The following ESYT3 variants were observed in gnomAD, a reference collection of about 807,000 sequenced individuals.
The protein encoded by ESYT3 is extended synaptotagmin-3.
ESYT3 carries 101 observed loss-of-function variants against 111.5 expected under a neutral mutation model. The ratio of observed to expected loss-of-function variants is 0.91; its 90% CI spans 0.77 to 1.07. ESYT3 has a LOEUF of 1.07. Ranked by LOEUF, ESYT3 falls within the 50% of genes least tolerant of loss-of-function variation. The pLI is 0.00. For synonymous variants in ESYT3, 416 were observed against 446.8 expected (o/e 0.93, Z 0.87); for missense variants, 1,097 against 1,109.4 (o/e 0.99, Z 0.16).
chr3:138,473,399 G>GAAAGT (rs1454302206), intron 18 of ESYT3, 137 bp from the exon 19 acceptor site: 20 of 775,564 alleles, frequency 2.6e-5, no homozygotes, highest in Admixed American at 7.0e-5. Context: ...AATTCCATCT[G>GAAAGT]AAAGTAAACT....
intron 22 of ESYT3, 62 bp downstream of exon 22, chr3:138,476,554 A>T: frequency 6.5e-7 from 1 of 1,541,714 alleles, no homozygotes; most frequent in Non-Finnish European, 8.9e-7. Flanking sequence ...TTCCCTTTTC[A>T]GTACTGTTTC....
In ESYT3 at chr3:138,459,237, G is replaced by C; in HGVS notation, c.632G>C (p.Gly211Ala). Residue 211 changes from glycine to alanine, a missense_variant, in exon 5 of 23, where the codon GGT (glycine) becomes GCT (alanine). Gly to Ala is a moderately conservative substitution (Grantham distance 60). Transcript: ENST00000389567. The part of the protein sequence containing the change: ...ISVELQKIQA[G>A]VNGIQLQGTL... ...GTGGAGCTGCAGAAGATTCAGGCTGGTGTGAACGGGATCCAGGTGGGTGGA... is the reference window on the plus strand; with the variant it reads ...GTGGAGCTGCAGAAGATTCAGGCTGCTGTGAACGGGATCCAGGTGGGTGGA... 6.4e-7 allele frequency: 1 copy of C among 1,561,960 alleles called. No homozygotes were observed. The highest frequency in any genetic ancestry group is 1.2e-5 in the South Asian group (1 of 83,478).
At chr3:138,448,266 T>TAAAAAAAA (rs71146126) in intron 1 of ESYT3, among the ~76,000 whole-genome samples, 1 of 44,608 alleles carries the variant, frequency 2.2e-5, no homozygotes, top group African/African-American at 9.1e-5. Flanking sequence ...AAACTCGATC[T>TAAAAAAAA]AAAAAAAAAA....
rs1325491923 is a variant in ESYT3, at chr3:138,476,849, A to T, written c.2656A>T (p.Ser886Cys). The T allele has an allele frequency of 1.2e-6, 2 of 1,613,934 alleles. No individual in the cohort carries two copies. The highest frequency in any genetic ancestry group is 1.7e-6 in the Non-Finnish European group (2 of 1,179,808). The change falls in exon 23 of 23, where the codon AGC becomes TGC. Residue 886 changes from serine to cysteine, a missense_variant. By Grantham distance (112) the Ser-to-Cys change is moderately radical. Coordinates refer to ENST00000389567, the MANE Select transcript of ESYT3 (RefSeq NM_031913.5). ...YELTPNGQPR[S>C] ...GCTGACTCCAAATGGACAGCCCAGA[A>T]GCTGATGATGAGAATTCTTATCACT...
At chr3:138,460,165 C>G in intron 6 of ESYT3, 131 bp downstream of exon 6, 1 of 728,808 alleles carries the variant, frequency 1.4e-6, no homozygotes, top group East Asian at 2.7e-5. Flanking sequence ...CAGTCACACT[C>G]CTTATCTCAT....
At chr3:138,466,696 T>A (rs2032945808) in intron 10 of ESYT3, among the ~76,000 whole-genome samples, 1 of 152,166 alleles carries the variant, frequency 6.6e-6, no homozygotes, top group South Asian at 2.1e-4. Context: ...CACACACACA[T>A]GCTGTGTTAG....
intron 4 of ESYT3, 109 bp downstream of exon 4, chr3:138,457,753 C>A (rs551269308): frequency 8.6e-6 from 9 of 1,051,164 alleles, no homozygotes; most frequent in Admixed American, 1.9e-5. Flanking sequence ...GATGTGGAAC[C>A]CCTCACAGGA....
chr3:138,457,363 TA>T (rs1297197352), intron 3 of ESYT3, among the ~76,000 whole-genome samples: 1 of 151,764 alleles, frequency 6.6e-6, no homozygotes, highest in African/African-American at 2.4e-5. Flanking sequence ...GCTGTGTGAG[TA>T]GGGGCAGGAA....
At chr3:138,443,061 G>A (rs2031275351) in intron 1 of ESYT3, among the ~76,000 whole-genome samples, 2 of 152,128 alleles carry the variant, frequency 1.3e-5, no homozygotes, top group Admixed American at 6.5e-5. Flanking sequence ...ACAGCTCAGG[G>A]CCACCCCCCT....
At chr3:138,438,196 G>A (rs148138639) in intron 1 of ESYT3, among the ~76,000 whole-genome samples, 2 of 152,304 alleles carry the variant, frequency 1.3e-5, no homozygotes, top group East Asian at 3.9e-4. Flanking sequence ...CTGGAGAACT[G>A]ATTTCTCTGC....
chr3:138,466,679 C>T (rs1228803192), intron 10 of ESYT3, among the ~76,000 whole-genome samples: 1 of 152,094 alleles, frequency 6.6e-6, no homozygotes, highest in Non-Finnish European at 1.5e-5. Flanking sequence ...TGGGTGTTAC[C>T]TCCTCTCACA....
In ESYT3 at chr3:138,434,741, G is replaced by A. The variant is rs1560203188; in HGVS notation, c.-58G>A. ...GGAGACAGATGCGCATGGGCGTGGG[G>A]GCATGCGGACCTAAGCTCGGGTGAA... is the stretch of plus-strand genomic sequence containing the variant. On this transcript the variant is annotated 5_prime_UTR_variant, in exon 1 of 23. Transcript: ENST00000389567. 1 of 1,388,026 alleles carries A rather than the reference G, an allele frequency of 7.2e-7. No individual in the cohort carries two copies. The allele number at this position is 1,388,026 out of a possible 1,614,324, so 86.0% of individuals were successfully genotyped here.
chr3:138,452,136 C>T (rs776831732), intron 2 of ESYT3, 47 bp downstream of exon 2: 3 of 1,588,006 alleles, frequency 1.9e-6, no homozygotes, highest in Admixed American at 3.4e-5. Flanking sequence ...ATGCCAGCCT[C>T]GTCCTCCCCG....
rs746573889 is a variant in ESYT3 at position 138,434,885 on chromosome 3, C to T, written c.87C>T (p.Ser29=). Residue 29 remains serine (S), a synonymous_variant, in exon 1 of 23, where the codon AGC becomes AGT. Coordinates refer to ENST00000389567, the MANE Select transcript of ESYT3 (RefSeq NM_031913.5). ...CGGGCCCCGAGCTGCGCCTGTCCAG[C>T]CAGCTGCTGCCCGAGCTCTGTACCT... ...RTPGPELRLS[S]QLLPELCTFV... is the part of the protein sequence containing the mutation. The T allele has an allele frequency of 2.6e-6, 4 of 1,550,418 alleles. No homozygotes were observed. The highest frequency in any genetic ancestry group is 2.4e-5 in the East Asian group (1 of 40,952).
At chr3:138,466,023 T>C (rs1419955744) in intron 10 of ESYT3, among the ~76,000 whole-genome samples, 1 of 152,242 alleles carries the variant, frequency 6.6e-6, no homozygotes, top group Non-Finnish European at 1.5e-5. Flanking sequence ...AATGTTTGAA[T>C]ACATTTTCCA....
chr3:138,462,787 C>T (rs774182253), intron 8 of ESYT3, among the ~76,000 whole-genome samples: 1 of 152,110 alleles, frequency 6.6e-6, no homozygotes, highest in Admixed American at 6.5e-5. Context: ...CTCAGCTTTC[C>T]GAGTAGCTGG....
At chr3:138,453,948 A>G (rs1378144669) in intron 2 of ESYT3, among the ~76,000 whole-genome samples, 1 of 152,338 alleles carries the variant, frequency 6.6e-6, no homozygotes, top group East Asian at 1.9e-4. Context: ...CAGCCTCCCA[A>G]GGAGTTGTGA....
intron 18 of ESYT3, 116 bp from the exon 19 acceptor site, chr3:138,473,420 T>C: frequency 1.2e-6 from 1 of 860,266 alleles, no homozygotes; most frequent in South Asian, 1.9e-5. Context: ...CACTGTGAAT[T>C]ATTATCCTAC....
Position 138,460,021 on chromosome 3 carries a change from TC to T in ESYT3, c.727del (p.Leu243PhefsTer13), listed in dbSNP as rs1277629135. The T allele has an allele frequency of 2.9e-5, 46 of 1,613,994 alleles. No homozygotes were observed. Among genetic ancestry groups the T allele is most frequent in the Non-Finnish European group, 3.8e-5 (45 of 1,180,000 alleles). On this transcript the variant is annotated frameshift_variant, in exon 6 of 23. Coordinates refer to ENST00000389567, the MANE Select transcript of ESYT3 (RefSeq NM_031913.5). LOFTEE classifies it high-confidence loss of function. ...KPFVGAVTVF[F>X]LQKPHLQINW... ...TTTGTGGGAGCCGTGACTGTGTTCT[TC>T]CTTCAGAAGCCGGTGAGTCCCAAGG...
Sources: allele counts gnomAD v4.1 joint callset (sites outside exome capture counted in the v4.1 genomes callset), GRCh38; gene constraint gnomAD v4.1.1; transcripts MANE v1.5; gene names NCBI Gene and HGNC (gene_info 2026-07-23, HGNC 2026-07-21).